Variants in ADGRL3 observed in about 807,000 individuals in gnomAD.
ADGRL3 encodes the protein calcium-independent alpha-latrotoxin receptor 3.
A neutral mutation model predicts 153.5 loss-of-function variants in ADGRL3; 62 were observed. The observed-to-expected ratio is 0.40, with a 90% CI of 0.33 to 0.50. The LOEUF (loss-of-function observed/expected upper bound fraction) is 0.50. Ranked by LOEUF, ADGRL3 falls within the 20% of genes least tolerant of loss-of-function variation. ADGRL3 has a pLI of 0.47. For missense variants in ADGRL3, 1,641 were observed against 1,859.4 expected (o/e 0.88, Z 2.16); for synonymous variants, 710 against 672.5 (o/e 1.06, Z -0.86).
intron 5 of ADGRL3, among the ~76,000 whole-genome samples, chr4:61,639,778 A>G (rs1289414847): frequency 6.6e-6 from 1 of 152,228 alleles, no homozygotes; most frequent in East Asian, 1.9e-4. Context: ...GTATGTGTTC[A>G]TAAGTATAAT....
At chr4:62,068,251 A>G (rs376088211) in intron 26 of ADGRL3, 68 bp downstream of exon 26, 3 of 1,395,172 alleles carry the variant, frequency 2.2e-6, no homozygotes, top group African/African-American at 2.9e-5. Flanking sequence ...ATTGCATCAC[A>G]TATAGATGAT....
intron 9 of ADGRL3, among the ~76,000 whole-genome samples, chr4:61,820,843 C>T (rs1180166158): frequency 6.6e-6 from 1 of 152,106 alleles, no homozygotes; most frequent in African/African-American, 2.4e-5. Context: ...TCTCCTTTCT[C>T]CCAACCGTTA....
intron 2 of ADGRL3, among the ~76,000 whole-genome samples, chr4:61,397,776 C>T (rs761306061): frequency 7.9e-5 from 12 of 151,838 alleles, no homozygotes; most frequent in Non-Finnish European, 1.5e-4. Context: ...TATGTTGAAC[C>T]TCTTATCACT....
chr4:61,993,164 T>TG (rs2099109254), intron 19 of ADGRL3, among the ~76,000 whole-genome samples: 1 of 138,424 alleles, frequency 7.2e-6, no homozygotes, highest in Admixed American at 7.4e-5. Context: ...TGGGCTGCAG[T>TG]TGTGTGTGTG....
At chr4:61,318,767 A>G (rs1363757390) in intron 1 of ADGRL3, among the ~76,000 whole-genome samples, 3 of 152,310 alleles carry the variant, frequency 2.0e-5, no homozygotes, top group East Asian at 3.9e-4. Context: ...GCCCAGTTAT[A>G]AACTATATGA....
intron 8 of ADGRL3, among the ~76,000 whole-genome samples, chr4:61,785,437 G>T (rs1580814573): frequency 6.6e-6 from 1 of 152,138 alleles, no homozygotes; most frequent in Non-Finnish European, 1.5e-5. Flanking sequence ...CTGCTTTTAA[G>T]GTCTAAAATT....
At chr4:61,528,395 C>T (rs944594602) in intron 4 of ADGRL3, among the ~76,000 whole-genome samples, 3 of 152,028 alleles carry the variant, frequency 2.0e-5, no homozygotes, top group Admixed American at 6.6e-5. Context: ...ATCTGTTTTT[C>T]TCCTTGGACT....
chr4:61,520,682 G>GTGTGTGTGTGTGTGTGTGTGTGTGTC (rs763505931), intron 4 of ADGRL3, among the ~76,000 whole-genome samples: 8,117 of 122,138 alleles, frequency 0.066, 395 homozygotes, highest in Non-Finnish European at 0.092. Flanking sequence ...GTGTGTGTGT[G>GTGTGTGTGTGTGTGTGTGTGTGTGTC]TGTCTGTCTG....
At chr4:61,618,042 C>T (rs914982042) in intron 5 of ADGRL3, among the ~76,000 whole-genome samples, 3 of 152,064 alleles carry the variant, frequency 2.0e-5, no homozygotes, top group African/African-American at 7.2e-5. Context: ...GGGATAAAGT[C>T]ACATCAATAG....
intron 9 of ADGRL3, among the ~76,000 whole-genome samples, chr4:61,827,340 G>A (rs565185720): frequency 9.8e-5 from 15 of 152,312 alleles, no homozygotes; most frequent in African/African-American, 3.4e-4. Context: ...AGGTTAGTCT[G>A]TATTGCTTCT....
intron 8 of ADGRL3, among the ~76,000 whole-genome samples, chr4:61,774,896 G>A (rs1294825694): frequency 2.6e-5 from 4 of 152,082 alleles, no homozygotes; most frequent in Non-Finnish European, 5.9e-5. Flanking sequence ...CATTCTCCAC[G>A]GATAAGAGGA....
intron 5 of ADGRL3, among the ~76,000 whole-genome samples, chr4:61,647,161 G>T (rs1000126347): frequency 4.6e-5 from 7 of 152,036 alleles, no homozygotes; most frequent in Non-Finnish European, 7.4e-5. Context: ...GCACCCACTG[G>T]CCTGCGCCCA....
rs187072333 is a variant in ADGRL3 at position 61,901,527 on chromosome 4, C to G, written c.1887+5693C>G. On this transcript the variant is annotated intron_variant, in intron 11 of 26. Coordinates refer to ENST00000683033, the MANE Select transcript of ADGRL3 (RefSeq NM_001387552.1). ...TTGGTGGCAATTCCAAAATTTTAGA[C>G]TTATTTAACTTATGTTTAATTGTAA... 2.6e-4 allele frequency among the ~76,000 whole-genome samples: 39 copies of G among 152,176 alleles called. No individual in the cohort carries two copies. The East Asian group carries it at 7.3e-3, about 29-fold the overall frequency.
chr4:61,816,537 A>G (rs1211421605), intron 9 of ADGRL3, among the ~76,000 whole-genome samples: 2 of 152,258 alleles, frequency 1.3e-5, no homozygotes, highest in Middle Eastern at 3.2e-3. Context: ...ACTTCAAAGG[A>G]CCATGAATAT....
chr4:61,351,263 T>C (rs574682202), intron 1 of ADGRL3, among the ~76,000 whole-genome samples: 1 of 152,300 alleles, frequency 6.6e-6, no homozygotes, highest in East Asian at 1.9e-4. Context: ...GTGAAGCAGC[T>C]GTAGAAGAAA....
chr4:61,997,340 T>A (rs2099125279), intron 20 of ADGRL3, among the ~76,000 whole-genome samples: 1 of 152,092 alleles, frequency 6.6e-6, no homozygotes, highest in Admixed American at 6.5e-5. Context: ...CCACATAGAT[T>A]TACTTCATGT....
intron 1 of ADGRL3, among the ~76,000 whole-genome samples, chr4:61,212,617 T>C (rs1740630623): frequency 6.6e-6 from 1 of 152,180 alleles, no homozygotes. Context: ...TACTCCTAAA[T>C]TTATTATTTT....
At chr4:61,986,588 A>T (rs1199419790) in intron 19 of ADGRL3, among the ~76,000 whole-genome samples, 3 of 152,206 alleles carry the variant, frequency 2.0e-5, no homozygotes, top group African/African-American at 7.2e-5. Context: ...CCAGACACTG[A>T]TTTAAAACAA....
Position 61,983,385 on chromosome 4 carries a change from T to G in ADGRL3, c.3018T>G (p.Ile1006Met), listed in dbSNP as rs771685440. The change falls in exon 19 of 27, where the codon ATT (isoleucine) becomes ATG (methionine). Residue 1006 changes from isoleucine to methionine, a missense_variant and splice_region_variant. Physicochemically the swap from Ile to Met is conservative, Grantham distance 10 (BLOSUM62 1). This residue lies in a region of ADGRL3 where 734 missense variants were observed against 797.0 expected (regional missense o/e 0.92). Transcript: ENST00000683033. The stretch of plus-strand genomic sequence containing the variant: ...AAATCATTTGTTCCTTTTCCTAGAT[T>G]GCCTGTGCTGTTTTCGCTGCCCTGT... ...LIGINRTDQPIACAVFAALLH... is the reference protein window; with the variant it reads ...LIGINRTDQPMACAVFAALLH... 4 of 1,613,032 alleles carry G rather than the reference T, an allele frequency of 2.5e-6. No homozygotes were observed. The South Asian group carries it at 4.4e-5, about 18-fold the overall frequency.
Sources: gnomAD v4.1 joint callset for allele counts (sites outside exome capture counted in the v4.1 genomes callset) on GRCh38, gnomAD v4.1.1 for gene constraint, gnomAD v4.1.1 regional missense constraint, MANE v1.5 for transcripts, NCBI Gene and HGNC (gene_info 2026-07-23, HGNC 2026-07-21) for gene names.